PPARGC1A: variants seen among roughly 807,000 people sequenced by gnomAD.
PPARGC1A encodes peroxisome proliferator-activated receptor gamma coactivator 1-alpha.
PPARGC1A carries 25 observed loss-of-function variants against 88.7 expected under a neutral mutation model. The ratio of observed to expected loss-of-function variants is 0.28; its 90% CI spans 0.21 to 0.39. PPARGC1A has a LOEUF of 0.39. Ranked by LOEUF, PPARGC1A falls within the 10% of genes least tolerant of loss-of-function variation. The probability of loss-of-function intolerance (pLI) is 1.00; values close to 1 mark genes in which losing one functional copy is unlikely to be tolerated. For synonymous variants in PPARGC1A, 363 were observed against 355.6 expected, an observed-to-expected ratio of 1.02 and a Z score of -0.24; for missense variants, 880 against 968.7, an observed-to-expected ratio of 0.91 and a Z score of 1.22.
the PPARGC1A span, among the ~76,000 whole-genome samples, chr4:24,064,472 G>A: frequency 2.6e-5 from 4 of 152,104 alleles, no homozygotes; most frequent in African/African-American, 7.2e-5. Flanking sequence ...AAAGGGTCAC[G>A]GGGAAGAGAA....
At chr4:23,877,921 C>T (rs1715133876) in intron 2 of PPARGC1A, 1 of 152,200 alleles carries the variant, frequency 6.6e-6, no homozygotes, top group Non-Finnish European at 1.5e-5. Flanking sequence ...TATAAGGTCT[C>T]CACACAGACA....
chr4:24,269,686 C>CACAA, the PPARGC1A span, among the ~76,000 whole-genome samples: 5 of 151,132 alleles, frequency 3.3e-5, no homozygotes, highest in South Asian at 2.1e-4. Context: ...CATCATCACA[C>CACAA]AAAAAAACTC....
the PPARGC1A span, among the ~76,000 whole-genome samples, chr4:24,295,062 C>T: frequency 1.3e-5 from 2 of 152,200 alleles, no homozygotes; most frequent in Non-Finnish European, 2.9e-5. Flanking sequence ...ACCCAGCTAC[C>T]TCTCCAATTA....
chr4:24,172,652 G>C, the PPARGC1A span, among the ~76,000 whole-genome samples: 1 of 152,214 alleles, frequency 6.6e-6, no homozygotes, highest in African/African-American at 2.4e-5. Context: ...GGGTGTTTTA[G>C]ATGTAATTCC....
chr4:24,007,929 C>T, the PPARGC1A span, among the ~76,000 whole-genome samples: 1 of 152,166 alleles, frequency 6.6e-6, no homozygotes, highest in East Asian at 1.9e-4. Context: ...GTGTGCAGCT[C>T]TCAGCTCTGC....
the PPARGC1A span, among the ~76,000 whole-genome samples, chr4:24,047,819 T>TAC: frequency 6.6e-6 from 1 of 152,194 alleles, no homozygotes; most frequent in Non-Finnish European, 1.5e-5. Flanking sequence ...AGGGAAGCTA[T>TAC]ACAATCGTCC....
chr4:23,901,437 G>A (rs1161552326), upstream of PPARGC1A, among the ~76,000 whole-genome samples: 9 of 150,772 alleles, frequency 6.0e-5, no homozygotes, highest in African/African-American at 9.8e-5. Flanking sequence ...CCAGCTACTC[G>A]GGAGGCTGAG....
the PPARGC1A span, among the ~76,000 whole-genome samples, chr4:23,947,881 G>A: frequency 6.6e-6 from 1 of 152,082 alleles, no homozygotes; most frequent in African/African-American, 2.4e-5. Flanking sequence ...GCTGTCCTAG[G>A]CTCCATATTG....
chr4:24,229,602 G>A, the PPARGC1A span, among the ~76,000 whole-genome samples: 3 of 151,392 alleles, frequency 2.0e-5, no homozygotes, highest in Non-Finnish European at 2.9e-5. Context: ...GGAGGCCGAG[G>A]TGAGTGGATC....
chr4:24,153,541 A>C, the PPARGC1A span, among the ~76,000 whole-genome samples: 3 of 152,234 alleles, frequency 2.0e-5, no homozygotes, highest in Non-Finnish European at 4.4e-5. Flanking sequence ...GCCAGTTGAC[A>C]ACAAATTTCC....
chr4:24,165,492 T>C, the PPARGC1A span, among the ~76,000 whole-genome samples: 1 of 152,216 alleles, frequency 6.6e-6, no homozygotes, highest in Non-Finnish European at 1.5e-5. Flanking sequence ...CTTTGCTTTA[T>C]CACACTTCCC....
chr4:24,222,436 T>A, the PPARGC1A span, among the ~76,000 whole-genome samples: 1 of 152,160 alleles, frequency 6.6e-6, no homozygotes, highest in Non-Finnish European at 1.5e-5. Context: ...TCTCATAGAG[T>A]TAGTGTGAGA....
chr4:24,446,234 C>G, the PPARGC1A span, among the ~76,000 whole-genome samples: 1 of 152,118 alleles, frequency 6.6e-6, no homozygotes, highest in Admixed American at 6.5e-5. Flanking sequence ...CAACAGCTGT[C>G]TGTTATATTT....
rs897201437 is a variant in PPARGC1A, at chr4:23,884,854, G to A, written c.132C>T (p.Asn44=). The part of the protein sequence containing the change: ...PELDLSELDV[N]DLDTDSFLGG... ...CCAGAAAGCTGTCTGTATCCAAGTCGTTCACATCTAGTTCAGAAAGATCAA... is the reference window on the plus strand; with the variant it reads ...CCAGAAAGCTGTCTGTATCCAAGTCATTCACATCTAGTTCAGAAAGATCAA... The change falls in exon 2 of 13, where the codon AAC becomes AAT. Residue 44 remains asparagine, a synonymous_variant. Coordinates refer to ENST00000264867, the MANE Select transcript of PPARGC1A (RefSeq NM_013261.5). 4.7e-5 allele frequency: 76 copies of A among 1,613,650 alleles called. No homozygotes were observed. Among genetic ancestry groups the A allele is most frequent in the Non-Finnish European group, 6.2e-5 (73 of 1,179,856 alleles).
At chr4:23,929,028 G>A in the PPARGC1A span, among the ~76,000 whole-genome samples, 1 of 152,092 alleles carries the variant, frequency 6.6e-6, no homozygotes, top group South Asian at 2.1e-4. Context: ...ATGCATGCTG[G>A]GCTTATTACC....
At chr4:24,349,118 TG>T in the PPARGC1A span, among the ~76,000 whole-genome samples, 1 of 152,192 alleles carries the variant, frequency 6.6e-6, no homozygotes, top group African/African-American at 2.4e-5. Context: ...AGGCTGGTAC[TG>T]GGGGTTGTCT....
At chr4:24,412,848 T>C in the PPARGC1A span, among the ~76,000 whole-genome samples, 1 of 152,340 alleles carries the variant, frequency 6.6e-6, no homozygotes, top group East Asian at 1.9e-4. Context: ...TTTTTTGCTG[T>C]GCCAGTTGGG....
the PPARGC1A span, among the ~76,000 whole-genome samples, chr4:24,177,712 C>T: frequency 6.7e-6 from 1 of 149,638 alleles, no homozygotes; most frequent in Admixed American, 6.6e-5. Context: ...CTTCTTAGTG[C>T]CCAGTAGATA....
the PPARGC1A span, among the ~76,000 whole-genome samples, chr4:24,162,812 T>G: frequency 2.0e-5 from 3 of 152,004 alleles, no homozygotes; most frequent in Non-Finnish European, 2.9e-5. Flanking sequence ...CAGTCTGGTC[T>G]CGCACCCCTG....
Sources: gnomAD v4.1 joint callset for allele counts (sites outside exome capture counted in the v4.1 genomes callset) on GRCh38, gnomAD v4.1.1 for gene constraint, MANE v1.5 for transcripts, NCBI Gene and HGNC (gene_info 2026-07-23, HGNC 2026-07-21) for gene names.